The following PAPPA2 variants were observed in gnomAD, a reference collection of about 807,000 sequenced individuals.
PAPPA2 encodes pappalysin 2.
A neutral mutation model predicts 176.4 loss-of-function variants in PAPPA2; 86 were observed. The ratio of observed to expected loss-of-function variants is 0.49; its 90% CI spans 0.41 to 0.58. The LOEUF (loss-of-function observed/expected upper bound fraction) is 0.58, where lower values mean the gene tolerates loss of function less well. PAPPA2 is among the 20% of genes least tolerant of loss of function. PAPPA2 has a pLI of 0.00. For missense variants in PAPPA2, 2,073 were observed against 2,256.9 expected (o/e 0.92, Z 1.65); for synonymous variants, 809 against 852.2 (o/e 0.95, Z 0.88).
chr1:176,681,509 G>C (rs1573243525), intron 4 of PAPPA2, among the ~76,000 whole-genome samples: 1 of 152,140 alleles, frequency 6.6e-6, no homozygotes, highest in Non-Finnish European at 1.5e-5. Context: ...GCTTCACATG[G>C]ATAGGAACAA....
chr1:176,645,580 T>C (rs186996796), intron 3 of PAPPA2, among the ~76,000 whole-genome samples: 27 of 151,922 alleles, frequency 1.8e-4, no homozygotes, highest in Admixed American at 1.6e-3. Context: ...TTCATTATAT[T>C]GATTTCTTTT....
intron 21 of PAPPA2, among the ~76,000 whole-genome samples, chr1:176,823,780 A>C (rs570455649): frequency 1.3e-5 from 2 of 152,304 alleles, no homozygotes; most frequent in African/African-American, 4.8e-5. Context: ...CTCAGCCCAT[A>C]ATAAGTGAGG....
At chr1:176,561,569 T>C (rs1029741322) in intron 2 of PAPPA2, among the ~76,000 whole-genome samples, 4 of 152,200 alleles carry the variant, frequency 2.6e-5, no homozygotes, top group African/African-American at 7.2e-5. Context: ...TGCAGTAGAA[T>C]CAGAGGCCCC....
intron 1 of PAPPA2, among the ~76,000 whole-genome samples, chr1:176,477,277 G>T (rs552760405): frequency 1.3e-5 from 2 of 152,212 alleles, no homozygotes; most frequent in African/African-American, 2.4e-5. Context: ...GGGATATGAG[G>T]CTTAAATTGT....
Position 176,660,963 on chromosome 1 carries a change from A to G in PAPPA2, c.1992-10007A>G, listed in dbSNP as rs527606469. ...ATGTTTCAGTCTTTAGCCTCCTTAC[A>G]CCACTCTATTATCTGCAAAGATTGG... On this transcript the variant is annotated intron_variant, in intron 3 of 22. Coordinates refer to ENST00000367662, the MANE Select transcript of PAPPA2 (RefSeq NM_020318.3). 2.6e-5 allele frequency among the ~76,000 whole-genome samples: 4 copies of G among 152,096 alleles called. No individual in the cohort carries two copies. In the East Asian group the frequency reaches 7.8e-4, roughly 30 times the overall value.
At chr1:176,515,369 G>C (rs1040322260) in intron 1 of PAPPA2, among the ~76,000 whole-genome samples, 1 of 152,132 alleles carries the variant, frequency 6.6e-6, no homozygotes, top group Non-Finnish European at 1.5e-5. Flanking sequence ...CTGTAAAAGG[G>C]CATTCTGGTT....
intron 3 of PAPPA2, among the ~76,000 whole-genome samples, chr1:176,653,431 G>A (rs1657859098): frequency 6.6e-6 from 1 of 151,648 alleles, no homozygotes. Context: ...TTCACAACAA[G>A]TGAAGCCTGA....
chr1:176,611,553 T>G (rs1654926294), intron 3 of PAPPA2, among the ~76,000 whole-genome samples: 1 of 152,220 alleles, frequency 6.6e-6, no homozygotes, highest in South Asian at 2.1e-4. Flanking sequence ...TGTACCTTTC[T>G]GTATGATCAT....
At chr1:176,610,217 C>T (rs1333795549) in intron 3 of PAPPA2, among the ~76,000 whole-genome samples, 3 of 151,584 alleles carry the variant, frequency 2.0e-5, no homozygotes, top group African/African-American at 7.3e-5. Context: ...TATTCCATAG[C>T]CATTCCTAGG....
rs549952477 is a variant in PAPPA2 at position 176,702,497 on chromosome 1, T to C, written c.3237-110T>C. 5.4e-6 allele frequency: 8 copies of C among 1,469,912 alleles called. No individual in the cohort carries two copies. The African/African-American group carries it at 1.1e-4, about 21-fold the overall frequency. 91.1% of individuals were successfully genotyped at this position (1,469,912 alleles called of 1,614,324 possible). On this transcript the variant is annotated intron_variant, in intron 8 of 22. Coordinates refer to ENST00000367662, the MANE Select transcript of PAPPA2 (RefSeq NM_020318.3). Reference sequence around the variant, plus strand: ...TAGACAATGCAGCGTATGTTTAACCTTTATGTTTCCCATAATATTTCCCTT... The same window carrying C: ...TAGACAATGCAGCGTATGTTTAACCCTTATGTTTCCCATAATATTTCCCTT...
At chr1:176,842,040 G>A (rs1667507798) in intron 22 of PAPPA2, among the ~76,000 whole-genome samples, 1 of 152,270 alleles carries the variant, frequency 6.6e-6, no homozygotes, top group South Asian at 2.1e-4. Flanking sequence ...TTAGATATGA[G>A]TGGTAATATT....
intron 3 of PAPPA2, among the ~76,000 whole-genome samples, chr1:176,607,841 A>G (rs547917622): frequency 6.6e-6 from 1 of 152,194 alleles, no homozygotes; most frequent in Non-Finnish European, 1.5e-5. Context: ...TTTAATCTCC[A>G]TAAGTTGTAT....
intron 14 of PAPPA2, among the ~76,000 whole-genome samples, chr1:176,759,204 G>A (rs905686223): frequency 6.6e-6 from 1 of 152,220 alleles, no homozygotes; most frequent in Non-Finnish European, 1.5e-5. Flanking sequence ...TTTATGAGCT[G>A]ATGTCACCCT....
chr1:176,551,871 G>C (rs1283377559), intron 1 of PAPPA2, among the ~76,000 whole-genome samples: 1 of 152,164 alleles, frequency 6.6e-6, no homozygotes, highest in Non-Finnish European at 1.5e-5. Flanking sequence ...GGGAAGATAT[G>C]CTGGAAATGA....
At chr1:176,764,328 G>A (rs1315815770) in intron 14 of PAPPA2, among the ~76,000 whole-genome samples, 1 of 152,200 alleles carries the variant, frequency 6.6e-6, no homozygotes, top group East Asian at 1.9e-4. Flanking sequence ...AAAAAGTGGG[G>A]TGACAAACAG....
chr1:176,634,830 A>G (rs1269242221), intron 3 of PAPPA2, among the ~76,000 whole-genome samples: 1 of 143,406 alleles, frequency 7.0e-6, no homozygotes, highest in Non-Finnish European at 1.5e-5. Flanking sequence ...AGATAGATAG[A>G]TAGATAGATA....
chr1:176,471,208 C>G (rs1280608251), intron 1 of PAPPA2, among the ~76,000 whole-genome samples: 2 of 152,036 alleles, frequency 1.3e-5, no homozygotes, highest in African/African-American at 4.8e-5. Flanking sequence ...CTGTCTTGGG[C>G]CTGAGGGATT....
At position 176,818,502 on chromosome 1, in the gene PAPPA2, T is replaced by C. The variant is rs1420653000; in HGVS notation, c.5202+18370T>C. On this transcript the variant is annotated intron_variant, in intron 21 of 22. Coordinates refer to ENST00000367662, the MANE Select transcript of PAPPA2 (RefSeq NM_020318.3). Reference sequence around the variant, plus strand: ...GACAAAATCCTTGATGTCATCTTAATTTCTCCATTTTCCTCATGTTCACAT... The same window carrying C: ...GACAAAATCCTTGATGTCATCTTAACTTCTCCATTTTCCTCATGTTCACAT... 5.3e-5 allele frequency among the ~76,000 whole-genome samples: 8 copies of C among 152,200 alleles called. No individual in the cohort carries two copies. The East Asian group carries it at 1.5e-3, about 29-fold the overall frequency.
At chr1:176,476,539 G>A (rs1005372305) in intron 1 of PAPPA2, among the ~76,000 whole-genome samples, 2 of 152,206 alleles carry the variant, frequency 1.3e-5, no homozygotes, top group Non-Finnish European at 2.9e-5. Flanking sequence ...GTCAGTAGCA[G>A]GAGAGTATAA....
Sources: gnomAD v4.1 joint callset for allele counts (sites outside exome capture counted in the v4.1 genomes callset) on GRCh38, gnomAD v4.1.1 for gene constraint, MANE v1.5 for transcripts, NCBI Gene and HGNC (gene_info 2026-07-23, HGNC 2026-07-21) for gene names.